Variants in ESRRG observed in about 807,000 individuals in gnomAD.
ESRRG encodes the protein estrogen-related receptor gamma.
A neutral mutation model predicts 44.0 loss-of-function variants in ESRRG; 13 were observed. The ratio of observed to expected loss-of-function variants is 0.30; its 90% CI spans 0.19 to 0.47. The LOEUF (loss-of-function observed/expected upper bound fraction) is 0.47, where lower values mean the gene tolerates loss of function less well. Among genes scored for constraint, ESRRG ranks in the 20% least tolerant of loss-of-function variants. ESRRG has a pLI of 1.00. For missense variants in ESRRG, 395 were observed against 580.6 expected, an observed-to-expected ratio of 0.68 and a Z score of 3.29; for synonymous variants, 215 against 214.6, an observed-to-expected ratio of 1.00 and a Z score of -0.02.
intron 2 of ESRRG, among the ~76,000 whole-genome samples, chr1:216,872,948 TG>T (rs1485962070): frequency 2.6e-5 from 4 of 152,188 alleles, no homozygotes; most frequent in African/African-American, 9.6e-5. Context: ...GTGATACTTT[TG>T]TTTTACCAAC....
intron 1 of ESRRG, among the ~76,000 whole-genome samples, chr1:217,002,300 TA>T (rs532552405): frequency 0.46 from 44,903 of 97,082 alleles, 9,393 homozygotes; most frequent in African/African-American, 0.65. Context: ...AGATTCTGTC[TA>T]AAAAAAAAAA....
chr1:216,802,829 TA>T (rs1278612322), intron 2 of ESRRG, among the ~76,000 whole-genome samples: 1 of 152,136 alleles, frequency 6.6e-6, no homozygotes, highest in Non-Finnish European at 1.5e-5. Flanking sequence ...ATGAGCTAGA[TA>T]TTAGTATCCC....
chr1:216,541,602 GT>G (rs1479515225), intron 5 of ESRRG, among the ~76,000 whole-genome samples: 1 of 139,876 alleles, frequency 7.1e-6, no homozygotes, highest in Admixed American at 7.3e-5. Context: ...GTGTGTGTGT[GT>G]GTGTATGTGA....
chr1:216,896,584 C>T (rs1237098467), intron 2 of ESRRG, among the ~76,000 whole-genome samples: 2 of 152,098 alleles, frequency 1.3e-5, no homozygotes, highest in Admixed American at 6.6e-5. Context: ...TTCTTTAAAT[C>T]GCTGAAGCAA....
chr1:216,831,126 C>T (rs914229255), intron 2 of ESRRG, among the ~76,000 whole-genome samples: 2 of 151,780 alleles, frequency 1.3e-5, no homozygotes, highest in Non-Finnish European at 2.9e-5. Flanking sequence ...TAATTTTATA[C>T]ATGGCATTCT....
At chr1:216,762,222 T>G (rs930209704) in intron 2 of ESRRG, among the ~76,000 whole-genome samples, 6 of 145,682 alleles carry the variant, frequency 4.1e-5, no homozygotes, top group African/African-American at 1.5e-4. Context: ...CCCAAAGGAC[T>G]ATATATCATG....
intron 5 of ESRRG, among the ~76,000 whole-genome samples, chr1:216,536,969 G>C (rs908941681): frequency 6.6e-6 from 1 of 152,068 alleles, no homozygotes; most frequent in African/African-American, 2.4e-5. Flanking sequence ...GTTGTAAGCA[G>C]TGGGAGAGGG....
At chr1:217,125,507 A>G (rs1038090117) in intron 1 of ESRRG, among the ~76,000 whole-genome samples, 1 of 152,216 alleles carries the variant, frequency 6.6e-6, no homozygotes, top group African/African-American at 2.4e-5. Flanking sequence ...AGTTGGTTCC[A>G]TGAGGTCAGG....
rs150698402 is a variant in ESRRG at position 216,924,353 on chromosome 1, G to A, written c.-14+15229C>T. ...AAAGGGGAGGCCAAAAGCAGCCCTC[G>A]AGAGCAATGGCTCACTTGGTTCTTA... On this transcript the variant is annotated intron_variant, in intron 2 of 7. Coordinates refer to the ESRRG transcript ENST00000359162. 7.1e-3 allele frequency among the ~76,000 whole-genome samples: 1,078 copies of A among 152,138 alleles called. 3 individuals are homozygous for A. Among genetic ancestry groups the A allele is most frequent in the Non-Finnish European group, 0.011 (767 of 67,982 alleles).
At chr1:216,966,794 C>A (rs910568782) in intron 1 of ESRRG, among the ~76,000 whole-genome samples, 12 of 152,206 alleles carry the variant, frequency 7.9e-5, no homozygotes, top group African/African-American at 2.9e-4. Context: ...TATTATAAGC[C>A]ACTATAAACC....
At chr1:216,540,895 G>T (rs933271511) in intron 5 of ESRRG, among the ~76,000 whole-genome samples, 1 of 151,908 alleles carries the variant, frequency 6.6e-6, no homozygotes, top group Non-Finnish European at 1.5e-5. Flanking sequence ...AAAAATCAGA[G>T]AATTTGCTTT....
At chr1:216,783,102 GC>G (rs755425444) in intron 2 of ESRRG, among the ~76,000 whole-genome samples, 2 of 151,940 alleles carry the variant, frequency 1.3e-5, no homozygotes, top group Non-Finnish European at 2.9e-5. Context: ...TCTCACGGTG[GC>G]TGGGATTCCA....
intron 2 of ESRRG, among the ~76,000 whole-genome samples, chr1:216,840,775 A>G (rs1419993109): frequency 6.6e-6 from 1 of 152,174 alleles, no homozygotes; most frequent in African/African-American, 2.4e-5. Context: ...GAAACAGTGC[A>G]TTGGTGGAGC....
intron 1 of ESRRG, among the ~76,000 whole-genome samples, chr1:217,130,586 T>C (rs2102533609): frequency 6.6e-6 from 1 of 152,312 alleles, no homozygotes; most frequent in Non-Finnish European, 1.5e-5. Context: ...ATGTTCACTG[T>C]CAATAGTTTA....
intron 2 of ESRRG, among the ~76,000 whole-genome samples, chr1:216,745,364 AT>A (rs1359718094): frequency 6.6e-6 from 1 of 151,716 alleles, no homozygotes; most frequent in East Asian, 1.9e-4. Flanking sequence ...ATTTCCCATC[AT>A]TTTTTCCCAA....
chr1:216,967,468 A>C (rs1462621597), intron 1 of ESRRG, among the ~76,000 whole-genome samples: 2 of 152,200 alleles, frequency 1.3e-5, no homozygotes, highest in African/African-American at 4.8e-5. Context: ...CTAGAAAGAC[A>C]TATAGTTTAA....
intron 2 of ESRRG, among the ~76,000 whole-genome samples, chr1:216,856,236 A>T (rs1195341581): frequency 6.6e-6 from 1 of 152,054 alleles, no homozygotes; most frequent in African/African-American, 2.4e-5. Flanking sequence ...AGAAAAATGG[A>T]TGAATGGATC....
intron 2 of ESRRG, among the ~76,000 whole-genome samples, chr1:216,835,950 G>T (rs1032739440): frequency 2.6e-5 from 4 of 152,062 alleles, no homozygotes; most frequent in Non-Finnish European, 5.9e-5. Context: ...GCCCTAGTTC[G>T]ATAGAGTCCC....
At chr1:216,603,897 C>T (rs1487756432) in intron 3 of ESRRG, among the ~76,000 whole-genome samples, 1 of 150,264 alleles carries the variant, frequency 6.7e-6, no homozygotes, top group Non-Finnish European at 1.5e-5. Context: ...GGTGCCATTA[C>T]ACTCCAGCCT....
Sources: allele counts gnomAD v4.1 joint callset (sites outside exome capture counted in the v4.1 genomes callset), GRCh38; gene constraint gnomAD v4.1.1; transcripts MANE v1.5; gene names NCBI Gene and HGNC (gene_info 2026-07-23, HGNC 2026-07-21).